Variants in PREX2 observed in about 807,000 individuals in gnomAD.
PREX2 encodes phosphatidylinositol 3,4,5-trisphosphate-dependent Rac exchanger 2 protein.
In PREX2, 107 loss-of-function variants were observed where a neutral mutation model predicts 203.2. The ratio of observed to expected loss-of-function variants is 0.53; its 90% CI spans 0.45 to 0.62. The LOEUF (loss-of-function observed/expected upper bound fraction) is 0.62, where lower values mean the gene tolerates loss of function less well. PREX2 is among the 20% of genes least tolerant of loss of function. The pLI is 0.00. For missense variants in PREX2, 1,777 were observed against 1,955.9 expected (o/e 0.91, Z 1.72); for synonymous variants, 672 against 663.6 (o/e 1.01, Z -0.19).
chr8:68,190,248 A>T (rs967058411), intron 35 of PREX2, among the ~76,000 whole-genome samples: 1 of 152,136 alleles, frequency 6.6e-6, no homozygotes, highest in African/African-American at 2.4e-5. Flanking sequence ...CTCTAATATC[A>T]TGGGACTTAT....
Position 68,055,856 on chromosome 8 carries a change from A to G in PREX2, c.1120A>G (p.Thr374Ala). The G allele has an allele frequency of 5.6e-6, 9 of 1,613,186 alleles. No homozygotes were observed. Among genetic ancestry groups the G allele is most frequent in the Non-Finnish European group, 7.6e-6 (9 of 1,179,644 alleles). The change falls in exon 10 of 40, where the codon ACC (threonine) becomes GCC (alanine). Residue 374 changes from threonine (T) to alanine (A), a missense_variant. Coordinates refer to ENST00000288368, the MANE Select transcript of PREX2 (RefSeq NM_024870.4). ...KGLKLGMEQD[T>A]WVMISEQGEK... Reference sequence around the variant, plus strand: ...TTTAAAATTAGGAATGGAGCAAGATACCTGGGTCATGATCTCTGAACAGGG... The same window carrying G: ...TTTAAAATTAGGAATGGAGCAAGATGCCTGGGTCATGATCTCTGAACAGGG...
At chr8:68,061,492 C>T (rs1808852822) in intron 11 of PREX2, among the ~76,000 whole-genome samples, 1 of 152,206 alleles carries the variant, frequency 6.6e-6, no homozygotes, top group Non-Finnish European at 1.5e-5. Flanking sequence ...GGGGGCCCTG[C>T]TGCACCCAGG....
At chr8:67,958,498 G>A (rs1036258062) in intron 1 of PREX2, among the ~76,000 whole-genome samples, 1 of 152,266 alleles carries the variant, frequency 6.6e-6, no homozygotes, top group Non-Finnish European at 1.5e-5. Flanking sequence ...TAGCTATTGC[G>A]ATTAGATTTG....
chr8:68,038,948 C>T (rs1344316868), intron 7 of PREX2, among the ~76,000 whole-genome samples: 2 of 152,152 alleles, frequency 1.3e-5, no homozygotes, highest in Non-Finnish European at 2.9e-5. Context: ...ATACTTTTAC[C>T]TTGTCAATAC....
At chr8:68,099,661 C>T (rs138602313) in intron 22 of PREX2, 21 bp from the exon 23 acceptor site, 319 of 1,605,786 alleles carry the variant, frequency 2.0e-4, no homozygotes, top group Admixed American at 7.5e-4. Flanking sequence ...TGTGGGTGTG[C>T]GTGTGTGTTT....
At chr8:68,064,718 A>G (rs889898612) in intron 11 of PREX2, among the ~76,000 whole-genome samples, 1 of 152,176 alleles carries the variant, frequency 6.6e-6, no homozygotes, top group East Asian at 1.9e-4. Flanking sequence ...TCATTATTTT[A>G]CAATGTTTTA....
chr8:67,987,152 CAAAAAAAAAAA>C (rs57315665), intron 1 of PREX2, among the ~76,000 whole-genome samples: 6 of 55,108 alleles, frequency 1.1e-4, no homozygotes, highest in Admixed American at 9.6e-4. Context: ...GACTTCATCT[CAAAAAAAAAAA>C]AAAAAAAAAA....
At chr8:68,086,436 T>C (rs1809694528) in intron 18 of PREX2, among the ~76,000 whole-genome samples, 1 of 152,234 alleles carries the variant, frequency 6.6e-6, no homozygotes, top group Non-Finnish European at 1.5e-5. Flanking sequence ...CTCTGTTTAA[T>C]ATGCCCTTGA....
intron 33 of PREX2, among the ~76,000 whole-genome samples, chr8:68,138,994 A>G (rs957585344): frequency 3.3e-5 from 5 of 152,178 alleles, no homozygotes; most frequent in African/African-American, 1.2e-4. Flanking sequence ...ACTTAAGATG[A>G]TAATCACTCA....
chr8:67,979,982 G>A (rs989851079), intron 1 of PREX2, among the ~76,000 whole-genome samples: 1 of 152,132 alleles, frequency 6.6e-6, no homozygotes, highest in Non-Finnish European at 1.5e-5. Context: ...AGACAGACAA[G>A]CAAACTAGGT....
At chr8:68,128,292 T>G (rs1656657015) in intron 31 of PREX2, among the ~76,000 whole-genome samples, 1 of 152,240 alleles carries the variant, frequency 6.6e-6, no homozygotes, top group Admixed American at 6.5e-5. Context: ...TTACATTAAC[T>G]AGATGTTGAT....
chr8:68,147,239 A>G (rs1232123744), intron 34 of PREX2, among the ~76,000 whole-genome samples: 1 of 152,178 alleles, frequency 6.6e-6, no homozygotes, highest in Non-Finnish European at 1.5e-5. Context: ...GAGGGAATAA[A>G]ATGTATCTAT....
chr8:68,030,149 G>A (rs1379710878), intron 5 of PREX2, among the ~76,000 whole-genome samples: 2 of 152,066 alleles, frequency 1.3e-5, no homozygotes, highest in African/African-American at 4.8e-5. Context: ...CTAGAAAAAT[G>A]AAATTAACAT....
At chr8:68,110,905 T>C (rs749241212) in intron 25 of PREX2, 11 of 432,612 alleles carry the variant, frequency 2.5e-5, no homozygotes, top group Non-Finnish European at 9.2e-6. Context: ...GTTTTGTATA[T>C]TATACTGTGA....
At chr8:68,007,658 G>A (rs2129609894) in intron 1 of PREX2, among the ~76,000 whole-genome samples, 1 of 152,326 alleles carries the variant, frequency 6.6e-6, no homozygotes, top group South Asian at 2.1e-4. Flanking sequence ...CGCCCAGGCT[G>A]GAGTGCAGTG....
intron 38 of PREX2, among the ~76,000 whole-genome samples, chr8:68,222,663 TA>T (rs35889203): frequency 0.26 from 38,513 of 150,590 alleles, 5,890 homozygotes; most frequent in Admixed American, 0.42. Context: ...AGAAACAGGA[TA>T]TTGCATAGTC....
intron 27 of PREX2, 37 bp downstream of exon 27, chr8:68,118,681 A>G (rs774214531): frequency 7.3e-7 from 1 of 1,378,084 alleles, no homozygotes; most frequent in Non-Finnish European, 1.0e-6. Context: ...GCTTTTTGAT[A>G]TTAGTCCTAT....
intron 1 of PREX2, among the ~76,000 whole-genome samples, chr8:67,968,642 A>G (rs537917566): frequency 1.3e-5 from 2 of 152,290 alleles, no homozygotes; most frequent in East Asian, 3.9e-4. Flanking sequence ...TAAAAGTTAA[A>G]AGGAAGTGCA....
At chr8:68,150,921 C>T (rs1054429548) in intron 34 of PREX2, among the ~76,000 whole-genome samples, 1 of 152,114 alleles carries the variant, frequency 6.6e-6, no homozygotes, top group African/African-American at 2.4e-5. Flanking sequence ...TCCAGCAGTC[C>T]TTGGCATTCC....
Sources: gnomAD v4.1 joint callset for allele counts (sites outside exome capture counted in the v4.1 genomes callset) on GRCh38, gnomAD v4.1.1 for gene constraint, MANE v1.5 for transcripts, NCBI Gene and HGNC (gene_info 2026-07-23, HGNC 2026-07-21) for gene names.